Variants in TMEM156 observed in about 807,000 individuals in gnomAD.
TMEM156 encodes transmembrane protein 156.
A neutral mutation model predicts 30.5 loss-of-function variants in TMEM156; 28 were observed. The observed-to-expected ratio is 0.92, with a 90% CI of 0.68 to 1.26. The LOEUF (loss-of-function observed/expected upper bound fraction) is 1.26. Ranked by LOEUF, TMEM156 falls within the 50% of genes most tolerant of loss-of-function variation. TMEM156 has a pLI of 0.00. For missense variants in TMEM156, 351 were observed against 340.6 expected, an observed-to-expected ratio of 1.03 and a Z score of -0.24; for synonymous variants, 137 against 119.9, an observed-to-expected ratio of 1.14 and a Z score of -0.93.
chr4:38,990,846 T>TGTTTTG (rs1712395255), intron 3 of TMEM156, among the ~76,000 whole-genome samples: 4 of 136,064 alleles, frequency 2.9e-5, no homozygotes, highest in Non-Finnish European at 4.8e-5. Flanking sequence ...TTTTTTTTTT[T>TGTTTTG]TTTTTTTGAG....
At chr4:38,979,698 C>G (rs1723082530) in intron 5 of TMEM156, among the ~76,000 whole-genome samples, 1 of 152,186 alleles carries the variant, frequency 6.6e-6, no homozygotes, top group Admixed American at 6.5e-5. Flanking sequence ...CAATAAATGT[C>G]TAAACAGTTA....
chr4:39,003,360 G>A (rs1713510549), intron 1 of TMEM156, among the ~76,000 whole-genome samples: 1 of 151,960 alleles, frequency 6.6e-6, no homozygotes, highest in African/African-American at 2.4e-5. Flanking sequence ...TTAAGATGGA[G>A]TTTTGCTCTT....
intron 1 of TMEM156, among the ~76,000 whole-genome samples, chr4:39,011,535 G>A (rs111756863): frequency 6.5e-4 from 99 of 152,242 alleles, no homozygotes; most frequent in African/African-American, 2.4e-3. Flanking sequence ...CAGCACTTTG[G>A]GAAGCCAAGG....
chr4:39,002,263 G>A (rs565889875), intron 1 of TMEM156, among the ~76,000 whole-genome samples: 2 of 152,158 alleles, frequency 1.3e-5, no homozygotes, highest in East Asian at 3.9e-4. Flanking sequence ...CATTTATGCA[G>A]CCAAAAAACA....
intron 3 of TMEM156, among the ~76,000 whole-genome samples, chr4:38,992,157 G>T (rs1712510936): frequency 6.6e-6 from 1 of 152,160 alleles, no homozygotes; most frequent in Non-Finnish European, 1.5e-5. Flanking sequence ...AAAGCAATCT[G>T]AAAGGCTTCC....
In TMEM156 at chr4:38,986,434, G is replaced by C; in HGVS notation, c.740-15C>G. Reference sequence around the variant, plus strand: ...GTCTCTATGACCTATTCCCAGAAAAGAAATGAAGTATTTAGATGATAAACA... The same window carrying C: ...GTCTCTATGACCTATTCCCAGAAAACAAATGAAGTATTTAGATGATAAACA... On this transcript the variant is annotated splice_polypyrimidine_tract_variant and intron_variant, in intron 4 of 6. Coordinates refer to ENST00000381938, the MANE Select transcript of TMEM156 (RefSeq NM_024943.3). 1 of 1,567,184 alleles carries C rather than the reference G, an allele frequency of 6.4e-7. No individual in the cohort carries two copies. The highest frequency in any genetic ancestry group is 1.1e-5 in the South Asian group (1 of 90,074).
intron 5 of TMEM156, among the ~76,000 whole-genome samples, chr4:38,974,852 T>C (rs916085833): frequency 2.6e-5 from 4 of 151,946 alleles, no homozygotes; most frequent in Non-Finnish European, 4.4e-5. Flanking sequence ...TTTGTATTTT[T>C]AGTAAAGACA....
intron 5 of TMEM156, chr4:38,980,840 C>T: frequency 1.3e-6 from 1 of 796,832 alleles, no homozygotes. Context: ...CAGGGACAAT[C>T]TATATTAAGA....
intron 1 of TMEM156, among the ~76,000 whole-genome samples, chr4:39,003,316 T>C (rs1713508419): frequency 6.6e-6 from 1 of 152,054 alleles, no homozygotes; most frequent in Admixed American, 6.6e-5. Flanking sequence ...ACAATTTCAT[T>C]ATGTCTTAAT....
At chr4:38,970,289 T>C (rs1273430705) in intron 6 of TMEM156, among the ~76,000 whole-genome samples, 2 of 152,160 alleles carry the variant, frequency 1.3e-5, no homozygotes, top group East Asian at 3.8e-4. Flanking sequence ...CCCTTTTAGT[T>C]TTCCCACACC....
chr4:39,028,468 A>G (rs1368568277), intron 1 of TMEM156: 1 of 152,230 alleles, frequency 6.6e-6, no homozygotes, highest in East Asian at 1.9e-4. Context: ...TTATGTTTCC[A>G]TTGCATCTTG....
chr4:39,004,103 T>A (rs1227321110), intron 1 of TMEM156, among the ~76,000 whole-genome samples: 1 of 152,212 alleles, frequency 6.6e-6, no homozygotes, highest in Non-Finnish European at 1.5e-5. Flanking sequence ...TCAGGTGGAC[T>A]ATATTCTCAT....
At chr4:38,992,685 TATAATATATTATATA>T (rs1560366676) in intron 3 of TMEM156, among the ~76,000 whole-genome samples, 3 of 43,114 alleles carry the variant, frequency 7.0e-5, no homozygotes, top group African/African-American at 7.6e-5. Flanking sequence ...TAATATATTA[TATAATATATTATATA>T]ATATATATAT....
intron 1 of TMEM156, among the ~76,000 whole-genome samples, chr4:39,025,870 A>G (rs971682513): frequency 2.6e-5 from 4 of 152,234 alleles, no homozygotes; most frequent in Non-Finnish European, 5.9e-5. Flanking sequence ...TTTCAAAAAT[A>G]TGAGGATAAC....
chr4:38,979,723 G>C (rs565707932), intron 5 of TMEM156, among the ~76,000 whole-genome samples: 1 of 152,274 alleles, frequency 6.6e-6, no homozygotes, highest in South Asian at 2.1e-4. Context: ...TGAAGTATTT[G>C]GGTTTCCTCA....
chr4:38,981,672 A>T (rs919270995), intron 5 of TMEM156, among the ~76,000 whole-genome samples: 8 of 152,284 alleles, frequency 5.3e-5, no homozygotes, highest in Middle Eastern at 3.4e-3. Flanking sequence ...AAACTCCCTT[A>T]TCTTCAGTTT....
intron 1 of TMEM156, among the ~76,000 whole-genome samples, chr4:39,013,307 C>CAA (rs71192810): frequency 9.2e-4 from 94 of 102,676 alleles, no homozygotes; most frequent in African/African-American, 3.0e-3. Flanking sequence ...GAACCTGTCT[C>CAA]AAAAAAAAAA....
At chr4:38,976,738 T>G (rs189083550) in intron 5 of TMEM156, among the ~76,000 whole-genome samples, 2 of 152,318 alleles carry the variant, frequency 1.3e-5, no homozygotes, top group African/African-American at 4.8e-5. Context: ...GCAGATCTAT[T>G]GAATTAAGAA....
chr4:39,031,722 A>G (rs533101197), intron 1 of TMEM156, among the ~76,000 whole-genome samples: 5 of 151,924 alleles, frequency 3.3e-5, no homozygotes, highest in African/African-American at 7.2e-5. Flanking sequence ...TGTCTCTACT[A>G]AAAATACAAA....
Sources: gnomAD v4.1 joint callset for allele counts (sites outside exome capture counted in the v4.1 genomes callset) on GRCh38, gnomAD v4.1.1 for gene constraint, MANE v1.5 for transcripts, NCBI Gene and HGNC (gene_info 2026-07-23, HGNC 2026-07-21) for gene names.